ABCD3: variants seen among roughly 807,000 people sequenced by gnomAD.
ABCD3 encodes the protein ATP binding cassette subfamily D member 3.
In ABCD3, 41 loss-of-function variants were observed where a neutral mutation model predicts 105.5. That is an observed-to-expected ratio of 0.39 (90% CI 0.30 to 0.50). The LOEUF (loss-of-function observed/expected upper bound fraction) is 0.50. Ranked by LOEUF, ABCD3 falls within the 20% of genes least tolerant of loss-of-function variation. ABCD3 has a pLI of 0.84. For missense variants in ABCD3, 622 were observed against 806.3 expected (o/e 0.77, Z 2.77); for synonymous variants, 258 against 269.0 (o/e 0.96, Z 0.40).
chr1:94,475,925 C>T (rs1351577387), intron 7 of ABCD3, among the ~76,000 whole-genome samples, 188 bp downstream of exon 7: 1 of 152,006 alleles, frequency 6.6e-6, no homozygotes, highest in Admixed American at 6.6e-5. Context: ...TTGTGAGGTA[C>T]TTTGGCAAAG....
At chr1:94,425,953 T>C (rs1239821219) in intron 1 of ABCD3, among the ~76,000 whole-genome samples, 1 of 152,206 alleles carries the variant, frequency 6.6e-6, no homozygotes, top group Non-Finnish European at 1.5e-5. Flanking sequence ...TGAACCTCAG[T>C]AGAACAGGGA....
At chr1:94,490,547 A>C (rs147102075) in intron 15 of ABCD3, among the ~76,000 whole-genome samples, 1 of 152,022 alleles carries the variant, frequency 6.6e-6, no homozygotes, top group Non-Finnish European at 1.5e-5. Context: ...AGATCCATCT[A>C]TGTTGAAAAT....
At chr1:94,506,446 G>T in intron 20 of ABCD3, 92 bp from the exon 21 acceptor site, 2 of 745,806 alleles carry the variant, frequency 2.7e-6, no homozygotes, top group Admixed American at 1.8e-5. Context: ...TGATTTACAA[G>T]ACTACAAATG....
chr1:94,457,491 A>G (rs1428487743), intron 1 of ABCD3, among the ~76,000 whole-genome samples: 1 of 152,032 alleles, frequency 6.6e-6, no homozygotes, highest in Admixed American at 6.6e-5. Context: ...CCTGTAGTAG[A>G]CTCAGATTCC....
At chr1:94,433,275 C>T (rs1765645) in intron 1 of ABCD3, among the ~76,000 whole-genome samples, 1 of 152,116 alleles carries the variant, frequency 6.6e-6, no homozygotes, top group Non-Finnish European at 1.5e-5. Flanking sequence ...CTGCCTCAGC[C>T]TCCTGAGTAG....
intron 21 of ABCD3, among the ~76,000 whole-genome samples, chr1:94,509,764 G>A (rs1329160079): frequency 6.6e-6 from 1 of 152,280 alleles, no homozygotes; most frequent in East Asian, 1.9e-4. Flanking sequence ...AGATTTTCTA[G>A]TTTATTTGCG....
the ABCD3 span, among the ~76,000 whole-genome samples, chr1:94,401,999 T>C: frequency 6.6e-6 from 1 of 152,248 alleles, no homozygotes; most frequent in Non-Finnish European, 1.5e-5. Flanking sequence ...CCACTTTCTT[T>C]TATCATACAT....
chr1:94,399,204 A>G, the ABCD3 span, among the ~76,000 whole-genome samples: 3 of 152,192 alleles, frequency 2.0e-5, no homozygotes, highest in Admixed American at 6.5e-5. Context: ...AACACCTTAC[A>G]ATAACATTTT....
intron 1 of ABCD3, among the ~76,000 whole-genome samples, chr1:94,453,775 A>G (rs1220850128): frequency 2.0e-5 from 3 of 148,268 alleles, no homozygotes; most frequent in Non-Finnish European, 4.5e-5. Flanking sequence ...TACTCCTTTT[A>G]AAATCAGATT....
chr1:94,439,779 T>C (rs747343234), intron 1 of ABCD3, among the ~76,000 whole-genome samples: 2 of 152,262 alleles, frequency 1.3e-5, no homozygotes, highest in Non-Finnish European at 2.9e-5. Context: ...TTTTTCTTTC[T>C]AAATTTCTAA....
intron 21 of ABCD3, among the ~76,000 whole-genome samples, chr1:94,510,938 C>G (rs961539451): frequency 2.0e-5 from 3 of 151,962 alleles, no homozygotes; most frequent in Admixed American, 1.3e-4. Context: ...GTCTTGACTC[C>G]TTATCCAATT....
chr1:94,431,462 A>G (rs534653777), intron 1 of ABCD3, among the ~76,000 whole-genome samples: 61 of 152,364 alleles, frequency 4.0e-4, no homozygotes, highest in Middle Eastern at 3.4e-3. Flanking sequence ...AGAAACTCAT[A>G]GACTATTGAA....
the ABCD3 span, among the ~76,000 whole-genome samples, chr1:94,386,896 A>G: frequency 6.6e-6 from 1 of 152,168 alleles, no homozygotes; most frequent in Non-Finnish European, 1.5e-5. Context: ...TACTGGGTCA[A>G]TTAAGATTTT....
Position 94,478,313 on chromosome 1 carries a change from C to A in ABCD3, c.682C>A (p.Gln228Lys). Residue 228 changes from glutamine to lysine, a missense_variant and splice_region_variant, in exon 8 of 23, where the codon CAG becomes AAG. Gln to Lys is a moderately conservative substitution (Grantham distance 53). Coordinates refer to ENST00000370214, the MANE Select transcript of ABCD3 (RefSeq NM_002858.4). ...TAAGTTAACGAGTGCAATTGGAGCTCAGGTGAGTCTGCTTTTATTTCAACT... is the reference window on the plus strand; with the variant it reads ...TAAGTTAACGAGTGCAATTGGAGCTAAGGTGAGTCTGCTTTTATTTCAACT... ...IFKLTSAIGAQGPASMMAYLV... is the reference protein window; with the variant it reads ...IFKLTSAIGAKGPASMMAYLV... 1 of 1,600,190 alleles carries A rather than the reference C, an allele frequency of 6.2e-7. No individual in the cohort carries two copies. The highest frequency in any genetic ancestry group is 1.8e-4 in the Middle Eastern group (1 of 5,414).
At chr1:94,425,395 A>AC (rs1226003744) in intron 1 of ABCD3, among the ~76,000 whole-genome samples, 5 of 152,240 alleles carry the variant, frequency 3.3e-5, no homozygotes, top group Non-Finnish European at 5.9e-5. Flanking sequence ...AGAAATACGT[A>AC]AATATTCCTC....
chr1:94,454,611 T>TC (rs144758437), intron 1 of ABCD3, among the ~76,000 whole-genome samples: 85 of 152,310 alleles, frequency 5.6e-4, no homozygotes, highest in South Asian at 2.1e-3. Flanking sequence ...AGATAGTAGG[T>TC]CTAAAGATGC....
chr1:94,498,885 C>T, intron 18 of ABCD3, 37 bp downstream of exon 18: 1 of 1,608,278 alleles, frequency 6.2e-7, no homozygotes, highest in Non-Finnish European at 8.5e-7. Context: ...ATCTAAAGAT[C>T]TTTTTGTTTA....
intron 3 of ABCD3, 97 bp from the exon 4 acceptor site, chr1:94,467,822 G>C (rs1193555514): frequency 1.3e-6 from 1 of 783,920 alleles, no homozygotes; most frequent in Non-Finnish European, 2.2e-6. Flanking sequence ...CTTACATAAA[G>C]CTTTAGATTT....
intron 1 of ABCD3, among the ~76,000 whole-genome samples, chr1:94,455,497 G>A (rs1647507344): frequency 6.6e-6 from 1 of 151,902 alleles, no homozygotes; most frequent in East Asian, 1.9e-4. Context: ...GGCTAATTTT[G>A]TATTTTTAGT....
Sources: gnomAD v4.1 joint callset for allele counts (sites outside exome capture counted in the v4.1 genomes callset) on GRCh38, gnomAD v4.1.1 for gene constraint, MANE v1.5 for transcripts, NCBI Gene and HGNC (gene_info 2026-07-23, HGNC 2026-07-21) for gene names.